CLUH: variants seen among roughly 807,000 people sequenced by gnomAD.
CLUH encodes clustered mitochondria protein homolog.
CLUH carries 77 observed loss-of-function variants against 139.3 expected under a neutral mutation model. The observed-to-expected ratio is 0.55, with a 90% CI of 0.46 to 0.67. The LOEUF is 0.67. CLUH is among the 30% of genes least tolerant of loss of function. The pLI, the probability that CLUH is intolerant of heterozygous loss-of-function variation, is 0.00. For missense variants in CLUH, 1,876 were observed against 1,875.8 expected, an observed-to-expected ratio of 1.00 and a Z score of 0.00; for synonymous variants, 999 against 801.6, an observed-to-expected ratio of 1.25 and a Z score of -4.16.
chr17:2,707,869 A>G lies in CLUH; in HGVS notation c.101-3305T>C, dbSNP rs777675556. On this transcript the variant is annotated intron_variant, in intron 1 of 25. Transcript: ENST00000651024. The surrounding 1 kb of genome is among the most constrained non-coding windows in gnomAD (Gnocchi z 7.4). Reference sequence around the variant, plus strand: ...ACCTGGCTGCCAGCCCCTTCCTGGGAGTCACTGGTTCTGGTGGAAGGGAGG... The same window carrying G: ...ACCTGGCTGCCAGCCCCTTCCTGGGGGTCACTGGTTCTGGTGGAAGGGAGG... The G allele has an allele frequency of 1.7e-5, 17 of 985,412 alleles. No homozygotes were observed. The highest frequency in any genetic ancestry group is 2.0e-5 in the Non-Finnish European group (17 of 829,916). 61.0% of individuals were successfully genotyped at this position (985,412 alleles called of 1,614,324 possible).
chr17:2,691,159 G>C (rs551150067), intron 25 of CLUH, among the ~76,000 whole-genome samples: 1 of 152,236 alleles, frequency 6.6e-6, no homozygotes, highest in South Asian at 2.1e-4. Context: ...TGGGAAGCGT[G>C]GGGAGGGAAT....
chr17:2,694,585 C>G (rs1223420208), intron 16 of CLUH, 21 bp from the exon 17 acceptor site: 2 of 1,556,462 alleles, frequency 1.3e-6, no homozygotes, highest in African/African-American at 2.7e-5. Context: ...AGCAGGGGGC[C>G]TGAGCAGCCC....
At chr17:2,697,200 C>T (rs1343683784) in intron 10 of CLUH, among the ~76,000 whole-genome samples, 1 of 151,990 alleles carries the variant, frequency 6.6e-6, no homozygotes, top group Admixed American at 6.5e-5. Flanking sequence ...GAGTTCGAGA[C>T]CAGCCTGACC....
At position 2,691,561 on chromosome 17, in the gene CLUH, A is replaced by G. The variant is rs754215504; in HGVS notation, c.3863+48T>C. 29 of 1,578,444 alleles carry G rather than the reference A, an allele frequency of 1.8e-5. No individual in the cohort carries two copies. The East Asian group carries it at 5.5e-4, about 30-fold the overall frequency. On this transcript the variant is annotated intron_variant, in intron 25 of 25. Coordinates refer to ENST00000651024, the MANE Select transcript of CLUH (RefSeq NM_001366661.1). ...GGGTGACAGGGCGAGACTCCGACTCACAAAAAACCCCCAACCGGGAGACAC... is the reference window on the plus strand; with the variant it reads ...GGGTGACAGGGCGAGACTCCGACTCGCAAAAAACCCCCAACCGGGAGACAC...
Position 2,694,241 on chromosome 17 carries a change from G to A in CLUH, c.2973C>T (p.His991=), listed in dbSNP as rs2069834806. 2 of 1,608,816 alleles carry A rather than the reference G, an allele frequency of 1.2e-6. No individual in the cohort carries two copies. Among genetic ancestry groups the A allele is most frequent in the Non-Finnish European group, 8.5e-7 (1 of 1,177,096 alleles). The part of the protein sequence containing the change: ...LLKEYSFDSR[H]KPAFTEEDVL... ...CGTCCTCCTCGGTGAACGCGGGCTT[G>A]TGGCGACTGTCGAAGCTGTACTCCT... Residue 991 remains histidine, a synonymous_variant, in exon 18 of 26, where the codon CAC becomes CAT. Coordinates refer to ENST00000651024, the MANE Select transcript of CLUH (RefSeq NM_001366661.1).
In CLUH at chr17:2,698,599, G is replaced by T; in HGVS notation, c.1267-9C>A. ...GTGAAGTCGCTGTGCACCTGGCGGGGGTCGAGGAGGGCAGGGTTAGAGGCC... is the reference window on the plus strand; with the variant it reads ...GTGAAGTCGCTGTGCACCTGGCGGGTGTCGAGGAGGGCAGGGTTAGAGGCC... On this transcript the variant is annotated splice_polypyrimidine_tract_variant and intron_variant, in intron 9 of 25. Coordinates refer to ENST00000651024, the MANE Select transcript of CLUH (RefSeq NM_001366661.1). The T allele has an allele frequency of 6.3e-7, 1 of 1,579,566 alleles. No homozygotes were observed. The highest frequency in any genetic ancestry group is 8.6e-7 in the Non-Finnish European group (1 of 1,161,698).
chr17:2,696,295 GTGGCAAGACAAATGCCGCCTGGCGC>G (rs2069939558), intron 12 of CLUH, 36 bp from the exon 13 acceptor site: 1 of 1,542,458 alleles, frequency 6.5e-7, no homozygotes. Context: ...GAGCCAGGCA[GTGGCAAGACAAATGCCGCCTGGCGC>G]TGGCGGGGGA....
rs570478920 is a variant in CLUH at position 2,695,087 on chromosome 17, G to C, written c.2622C>G (p.Ser874=). 33 of 1,611,782 alleles carry C rather than the reference G, an allele frequency of 2.0e-5. No homozygotes were observed. Among genetic ancestry groups the C allele is most frequent in the Non-Finnish European group, 2.7e-5 (32 of 1,178,936 alleles). The change falls in exon 16 of 26, where the codon TCC becomes TCG. Residue 874 remains serine, a synonymous_variant. Coordinates refer to ENST00000651024, the MANE Select transcript of CLUH (RefSeq NM_001366661.1). The stretch of plus-strand genomic sequence containing the variant: ...AGTGGCTGATGGCGGCTGAGAGGCC[G>C]GAGAGCTCGACTCCCTGCGAGGCAG... ...FKTYLQGVEL[S]GLSAAISHFL...
Position 2,690,333 on chromosome 17 carries a change from C to A in CLUH, c.*261G>T, listed in dbSNP as rs1043389711. On this transcript the variant is annotated 3_prime_UTR_variant, in exon 26 of 26. Transcript: ENST00000651024. ...GCGGGGGCCGAAGCAACACCTGCCC[C>A]CCAGCCGGGAACTGATGGCCGCACA... 55 of 405,944 alleles carry A rather than the reference C, an allele frequency of 1.4e-4. No individual in the cohort carries two copies. Among genetic ancestry groups the A allele is most frequent in the Non-Finnish European group, 2.0e-4 (46 of 230,306 alleles). 25.1% of individuals were successfully genotyped at this position (405,944 alleles called of 1,614,324 possible). A position where few individuals can be genotyped will look rare whatever the true frequency, so the allele number is the denominator to read the frequency against.
chr17:2,697,041 G>T, intron 10 of CLUH, 99 bp from the exon 11 acceptor site: 1 of 883,176 alleles, frequency 1.1e-6, no homozygotes, highest in Non-Finnish European at 1.7e-6. Context: ...CACCCCGCAG[G>T]CATAGGGCAC....
chr17:2,700,946 G>A (rs1330625384), intron 7 of CLUH, 121 bp from the exon 8 acceptor site: 2 of 1,435,262 alleles, frequency 1.4e-6, no homozygotes, highest in Admixed American at 2.4e-5. Flanking sequence ...CTGCCCTGGA[G>A]CCAGATGGAA....
At chr17:2,702,166 A>G in intron 3 of CLUH, 109 bp from the exon 4 acceptor site, 1 of 1,360,040 alleles carries the variant, frequency 7.4e-7, no homozygotes, top group Admixed American at 2.6e-5. Flanking sequence ...TTTAATTTTC[A>G]ACTTTAGGTT....
chr17:2,699,977 T>C (rs1208187381), intron 9 of CLUH, among the ~76,000 whole-genome samples: 1 of 152,218 alleles, frequency 6.6e-6, no homozygotes, highest in Non-Finnish European at 1.5e-5. Flanking sequence ...TTTCTCTTAG[T>C]AACCCAGCAC....
chr17:2,696,474 G>A lies in CLUH; in HGVS notation c.2250C>T (p.Thr750=), dbSNP rs777378425. 3.6e-5 allele frequency: 57 copies of A among 1,595,466 alleles called. No individual in the cohort carries two copies. The Middle Eastern group carries it at 4.9e-4, about 14-fold the overall frequency. The change falls in exon 12 of 26, where the codon ACC becomes ACT. Residue 750 remains threonine (T), a synonymous_variant. Transcript: ENST00000651024. The stretch of plus-strand genomic sequence containing the variant: ...CAGGATTGAAGCGAATGTCGAAGGC[G>A]GTGCTGCTGATGGAGCCGACCGCCT... The part of the protein sequence containing the change: ...ACKAVGSISS[T]AFDIRFNPDI...
At position 2,708,077 on chromosome 17, in the gene CLUH, G is replaced by C. The variant is rs974326095; in HGVS notation, c.100+3485C>G. The C allele has an allele frequency of 7.8e-6, 7 of 899,500 alleles. No homozygotes were observed. In the African/African-American group the frequency reaches 1.3e-4, roughly 16 times the overall value. 55.7% of individuals were successfully genotyped at this position (899,500 alleles called of 1,614,324 possible). A position where few individuals can be genotyped will look rare whatever the true frequency, so the allele number is the denominator to read the frequency against. ...AGAGGCCAGTGGCCGCACGGCGGGG[G>C]AGGAGGTGCCCAGCTGGCCAGGGCG... On this transcript the variant is annotated intron_variant, in intron 1 of 25. Coordinates refer to ENST00000651024, the MANE Select transcript of CLUH (RefSeq NM_001366661.1).
intron 12 of CLUH, 83 bp from the exon 13 acceptor site, chr17:2,696,342 G>A (rs1190619939): frequency 4.7e-6 from 7 of 1,502,210 alleles, no homozygotes; most frequent in South Asian, 3.6e-5. Context: ...GCGCTCAGAT[G>A]GGGGACAAAC....
chr17:2,693,200 A>G (rs969159222), intron 19 of CLUH, among the ~76,000 whole-genome samples: 5 of 143,456 alleles, frequency 3.5e-5, no homozygotes, highest in African/African-American at 1.3e-4. Context: ...GTTTGAGACC[A>G]TCCTGGCCAA....
intron 12 of CLUH, 75 bp downstream of exon 12, chr17:2,696,359 G>T: frequency 1.3e-6 from 2 of 1,508,652 alleles, no homozygotes; most frequent in Non-Finnish European, 1.8e-6. Flanking sequence ...AAACCCACCA[G>T]CCCCAAGGGC....
chr17:2,698,573 G>A lies in CLUH; in HGVS notation c.1284C>T (p.Thr428=), dbSNP rs370781605. Residue 428 remains threonine (T), a synonymous_variant, in exon 10 of 26, where the codon ACC becomes ACT. Transcript: ENST00000651024. ...CCATGGCGCCCCTGGTGGCTGCCGC[G>A]GTGAAGTCGCTGTGCACCTGGCGGG... ...RAIFKVHSDF[T]AAATRGAMAV... The A allele has an allele frequency of 3.7e-6, 6 of 1,605,254 alleles. No individual in the cohort carries two copies. In the African/African-American group the frequency reaches 4.0e-5, roughly 11 times the overall value.
Sources: allele counts gnomAD v4.1 joint callset (sites outside exome capture counted in the v4.1 genomes callset), GRCh38; gene constraint gnomAD v4.1.1; non-coding constraint Gnocchi (gnomAD v3.1); transcripts MANE v1.5; gene names NCBI Gene and HGNC (gene_info 2026-07-23, HGNC 2026-07-21).